ZNF521: variants seen among roughly 807,000 people sequenced by gnomAD.
ZNF521 encodes the protein zinc finger protein 521, also known as LYST-interacting protein 3.
A neutral mutation model predicts 105.5 loss-of-function variants in ZNF521; 14 were observed. The ratio of observed to expected loss-of-function variants is 0.13; its 90% CI spans 0.09 to 0.21. The LOEUF (loss-of-function observed/expected upper bound fraction) is 0.21. ZNF521 is among the 10% of genes least tolerant of loss of function. The pLI is 1.00. For synonymous variants in ZNF521, 635 were observed against 606.0 expected (o/e 1.05, Z -0.70); for missense variants, 1,233 against 1,629.7 (o/e 0.76, Z 4.19).
At chr18:25,306,330 G>A (rs552015062) in intron 3 of ZNF521, among the ~76,000 whole-genome samples, 12 of 152,232 alleles carry the variant, frequency 7.9e-5, no homozygotes, top group Non-Finnish European at 1.6e-4. Flanking sequence ...TAAGATTCAC[G>A]AGATGGCCAC....
intron 5 of ZNF521, among the ~76,000 whole-genome samples, chr18:25,107,345 A>G (rs1024990399): frequency 6.6e-6 from 1 of 152,154 alleles, no homozygotes; most frequent in Non-Finnish European, 1.5e-5. Flanking sequence ...AACACTCAGC[A>G]TTTTTACTTT....
At chr18:25,250,892 G>A (rs1178228019) in intron 3 of ZNF521, among the ~76,000 whole-genome samples, 1 of 152,178 alleles carries the variant, frequency 6.6e-6, no homozygotes. Flanking sequence ...TCATTCTTCA[G>A]TGAAAAGTTA....
intron 2 of ZNF521, chr18:25,327,703 G>C (rs749269406): frequency 5.8e-6 from 3 of 518,564 alleles, no homozygotes; most frequent in African/African-American, 1.9e-5. Context: ...CCCATAAGAC[G>C]AAAACAGATT....
intron 2 of ZNF521, among the ~76,000 whole-genome samples, chr18:25,333,283 G>A (rs1913683087): frequency 7.0e-6 from 1 of 142,792 alleles, no homozygotes; most frequent in African/African-American, 2.6e-5. Flanking sequence ...ATAAGCATGT[G>A]GTTTAATAAG....
rs187060425 is a variant in ZNF521, at chr18:25,185,221, T to C, written c.3658+9939A>G. ...ACAGATTTATAACATCTATACAAAATGGGTGAAAAGAAATGTCTCACTTTT... is the reference window on the plus strand; with the variant it reads ...ACAGATTTATAACATCTATACAAAACGGGTGAAAAGAAATGTCTCACTTTT... On this transcript the variant is annotated intron_variant, in intron 5 of 7. Coordinates refer to ENST00000361524, the MANE Select transcript of ZNF521 (RefSeq NM_015461.3). 5.5e-4 allele frequency among the ~76,000 whole-genome samples: 84 copies of C among 152,220 alleles called. 1 individual carries two copies. In the East Asian group the frequency reaches 0.015, roughly 27 times the overall value.
intron 3 of ZNF521, among the ~76,000 whole-genome samples, chr18:25,291,458 G>T (rs1911015035): frequency 6.6e-6 from 1 of 152,134 alleles, no homozygotes; most frequent in East Asian, 1.9e-4. Context: ...AAAGGTAGTG[G>T]AATTAAACAC....
intron 5 of ZNF521, among the ~76,000 whole-genome samples, chr18:25,169,483 G>A (rs1185123067): frequency 6.6e-6 from 1 of 151,982 alleles, no homozygotes; most frequent in Non-Finnish European, 1.5e-5. Flanking sequence ...TGAAACAATG[G>A]GTATTGTGTG....
At chr18:25,166,516 A>G (rs2035344199) in intron 5 of ZNF521, among the ~76,000 whole-genome samples, 1 of 152,238 alleles carries the variant, frequency 6.6e-6, no homozygotes, top group African/African-American at 2.4e-5. Flanking sequence ...TTATTTTTAA[A>G]GAAGAGATAA....
Position 25,265,689 on chromosome 18 carries a change from A to G in ZNF521, c.221-37992T>C, listed in dbSNP as rs1909202591. On this transcript the variant is annotated intron_variant, in intron 3 of 7. Transcript: ENST00000361524. ...GAGCTACCCTATCCCATTGCGGGGCATATACCCAAAAGAAAGGAATCAGTA... is the reference window on the plus strand; with the variant it reads ...GAGCTACCCTATCCCATTGCGGGGCGTATACCCAAAAGAAAGGAATCAGTA... Among the ~76,000 whole-genome samples, 5 of 152,356 alleles carry G rather than the reference A, an allele frequency of 3.3e-5. No homozygotes were observed. In the South Asian group the frequency reaches 1.0e-3, roughly 32 times the overall value.
intron 4 of ZNF521, among the ~76,000 whole-genome samples, chr18:25,212,565 A>ATATATATATATATATATG (rs1227568202): frequency 5.9e-4 from 67 of 112,816 alleles, no homozygotes; most frequent in East Asian, 1.1e-3. Flanking sequence ...ATATATATAT[A>ATATATATATATATATATG]TGTATAGAAA....
At chr18:25,166,340 A>C (rs1747213772) in intron 5 of ZNF521, among the ~76,000 whole-genome samples, 1 of 152,178 alleles carries the variant, frequency 6.6e-6, no homozygotes, top group Non-Finnish European at 1.5e-5. Flanking sequence ...CAAAATTCCA[A>C]AGTAGCTGAG....
At chr18:25,259,527 T>C (rs963920522) in intron 3 of ZNF521, among the ~76,000 whole-genome samples, 2 of 152,084 alleles carry the variant, frequency 1.3e-5, no homozygotes, top group Non-Finnish European at 2.9e-5. Context: ...GGGCGTAAAC[T>C]TCCAGGAGCA....
chr18:25,097,297 A>G (rs540887252), intron 5 of ZNF521, among the ~76,000 whole-genome samples: 1 of 152,304 alleles, frequency 6.6e-6, no homozygotes, highest in South Asian at 2.1e-4. Flanking sequence ...TCATGACTGT[A>G]ACATAAACAC....
intron 5 of ZNF521, among the ~76,000 whole-genome samples, chr18:25,178,720 T>C (rs1297502606): frequency 1.3e-5 from 2 of 152,174 alleles, no homozygotes; most frequent in Admixed American, 1.3e-4. Context: ...AATGGAAAGA[T>C]CAAATTTTAT....
chr18:25,135,016 C>A (rs2034706500), intron 5 of ZNF521, among the ~76,000 whole-genome samples: 1 of 152,058 alleles, frequency 6.6e-6, no homozygotes. Context: ...TGCTGGATTT[C>A]CCTTAGCAAC....
chr18:25,133,061 G>T (rs2034669981), intron 5 of ZNF521, among the ~76,000 whole-genome samples: 1 of 152,158 alleles, frequency 6.6e-6, no homozygotes, highest in South Asian at 2.1e-4. Context: ...CTTAGTCAGT[G>T]ATATCACATT....
chr18:25,133,318 A>G (rs1381494079), intron 5 of ZNF521, among the ~76,000 whole-genome samples: 1 of 152,196 alleles, frequency 6.6e-6, no homozygotes, highest in Admixed American at 6.6e-5. Flanking sequence ...CCATCTGGCT[A>G]TGAGCTTGTA....
chr18:25,062,546 A>G lies in ZNF521; in HGVS notation c.*166T>C. The G allele has an allele frequency of 1.1e-6, 1 of 934,972 alleles. No homozygotes were observed. The highest frequency in any genetic ancestry group is 1.6e-6 in the Non-Finnish European group (1 of 615,352). The allele number at this position is 934,972 out of a possible 1,614,324, so 57.9% of individuals were successfully genotyped here. A position where few individuals can be genotyped will look rare whatever the true frequency, so the allele number is the denominator to read the frequency against. On this transcript the variant is annotated 3_prime_UTR_variant, in exon 8 of 8. Transcript: ENST00000361524. ...TATACAAGGGGTCTATCCGGTGCGC[A>G]AAAGTTCAAACACATGAACATCCAA... is the stretch of plus-strand genomic sequence containing the variant.
chr18:25,276,481 CT>C (rs1371617563), intron 3 of ZNF521, among the ~76,000 whole-genome samples: 2 of 152,178 alleles, frequency 1.3e-5, no homozygotes, highest in East Asian at 3.9e-4. Context: ...CTCATAATTT[CT>C]AAGCAATGTA....
Sources: allele counts gnomAD v4.1 joint callset (sites outside exome capture counted in the v4.1 genomes callset), GRCh38; gene constraint gnomAD v4.1.1; transcripts MANE v1.5; gene names NCBI Gene and HGNC (gene_info 2026-07-23, HGNC 2026-07-21).